The following RPS6KL1 variants were observed in gnomAD, a reference collection of about 807,000 sequenced individuals.
RPS6KL1 encodes the protein ribosomal protein S6 kinase like 1.
A neutral mutation model predicts 57.0 loss-of-function variants in RPS6KL1; 41 were observed. The observed-to-expected ratio is 0.72, with a 90% confidence interval of 0.56 to 0.93. The LOEUF (loss-of-function observed/expected upper bound fraction) is 0.93. RPS6KL1 is among the 40% of genes least tolerant of loss of function. The pLI is 0.00. For synonymous variants in RPS6KL1, 287 were observed against 309.7 expected, an observed-to-expected ratio of 0.93 and a Z score of 0.77; for missense variants, 697 against 727.7, an observed-to-expected ratio of 0.96 and a Z score of 0.49.
Position 74,909,093 on chromosome 14 carries a change from C to T in RPS6KL1, c.1360+8G>A, listed in dbSNP as rs779641640. On this transcript the variant is annotated splice_region_variant and intron_variant, in intron 9 of 11. Transcript: ENST00000557413. The stretch of plus-strand genomic sequence containing the variant: ...GCTAAGGCCCACCCTGGCCTCCCCC[C>T]TTCTTGCCTGGGGCGCTGTAGAGAT... The T allele has an allele frequency of 1.3e-5, 21 of 1,613,894 alleles. No individual in the cohort carries two copies. The East Asian group carries it at 3.8e-4, about 29-fold the overall frequency.
At position 74,911,794 on chromosome 14, in the gene RPS6KL1, C is replaced by T; in HGVS notation, c.531G>A (p.Lys177=). 6.4e-7 allele frequency: 1 copy of T among 1,554,110 alleles called. No homozygotes were observed. Among genetic ancestry groups the T allele is most frequent in the Non-Finnish European group, 8.7e-7 (1 of 1,148,746 alleles). ...DPATGGTFVV[K]SLPRCHMVSR... ...GTGGCAGGGGCAGGGTGGCACCTGC[C>T]TTCACCACAAAGGTCCCTCCGGTTG... The change falls in exon 6 of 12, where the codon AAG becomes AAA. Residue 177 remains lysine, a splice_region_variant and synonymous_variant. Coordinates refer to ENST00000557413, the MANE Select transcript of RPS6KL1 (RefSeq NM_031464.5).
intron 3 of RPS6KL1, 72 bp downstream of exon 3, chr14:74,921,205 G>A: frequency 7.3e-7 from 1 of 1,364,470 alleles, no homozygotes; most frequent in Non-Finnish European, 1.0e-6. Flanking sequence ...GGACAAGACA[G>A]ATGGGTGACA....
At chr14:74,910,375 G>GATAC in intron 7 of RPS6KL1, 1 of 362,978 alleles carries the variant, frequency 2.8e-6, no homozygotes, top group Non-Finnish European at 4.8e-6. Context: ...CTTACAAACT[G>GATAC]GCACACCACC....
At position 74,906,434 on chromosome 14, in the gene RPS6KL1, C is replaced by T. The variant is rs962873567; in HGVS notation, c.*580G>A. ...TGGGGGGGTGGGGGTGGGGGTCATC[C>T]TGTCCCCTACCTCATCCCTCCCTGC... On this transcript the variant is annotated 3_prime_UTR_variant, in exon 12 of 12. Coordinates refer to ENST00000557413, the MANE Select transcript of RPS6KL1 (RefSeq NM_031464.5). 2.3e-5 allele frequency: 9 copies of T among 383,248 alleles called. No homozygotes were observed. The highest frequency in any genetic ancestry group is 4.4e-5 in the African/African-American group (2 of 45,638). 23.7% of individuals were successfully genotyped at this position (383,248 alleles called of 1,614,324 possible).
rs10536168 is a variant in RPS6KL1, at chr14:74,905,381, CTG to C, written c.*1631_*1632del. On this transcript the variant is annotated 3_prime_UTR_variant, in exon 12 of 12. Transcript: ENST00000557413. ...AGCTACCGTCTGTTGCAAGGGGTCACTGTGAGGATGAAACTGGTATTCCCCCA... is the reference window on the plus strand; with the variant it reads ...AGCTACCGTCTGTTGCAAGGGGTCACTGAGGATGAAACTGGTATTCCCCCA... 0.32 allele frequency: 48,357 copies of C among 151,896 alleles called. 9,166 individuals are homozygous for C. Among genetic ancestry groups the C allele is most frequent in the African/African-American group, 0.53 (21,794 of 41,342 alleles). 9.4% of individuals were successfully genotyped at this position (151,896 alleles called of 1,614,324 possible). A position where few individuals can be genotyped will look rare whatever the true frequency, so the allele number is the denominator to read the frequency against.
chr14:74,910,915 A>G (rs1000958056), intron 7 of RPS6KL1: 9 of 182,740 alleles, frequency 4.9e-5, no homozygotes, highest in African/African-American at 2.2e-4. Flanking sequence ...TCTGCTGCCC[A>G]GGCTAGAGTG....
chr14:74,911,124 G>A (rs755664744), intron 7 of RPS6KL1, 124 bp downstream of exon 7: 58 of 902,890 alleles, frequency 6.4e-5, no homozygotes, highest in African/African-American at 5.9e-4. Context: ...CGCCTGCCTC[G>A]GCCTCCCAAA....
intron 10 of RPS6KL1, 116 bp from the exon 11 acceptor site, chr14:74,907,646 G>T: frequency 1.1e-6 from 1 of 951,762 alleles, no homozygotes; most frequent in African/African-American, 1.6e-5. Flanking sequence ...TGACAATAAT[G>T]ATAGTTGCTA....
chr14:74,909,310 A>T, intron 8 of RPS6KL1, 120 bp from the exon 9 acceptor site: 1 of 1,103,026 alleles, frequency 9.1e-7, no homozygotes, highest in Non-Finnish European at 1.3e-6. Context: ...CTGGGCAGAA[A>T]CTCGGCAGGG....
intron 7 of RPS6KL1, chr14:74,910,751 C>G (rs929883226): frequency 2.5e-5 from 4 of 160,936 alleles, no homozygotes; most frequent in Non-Finnish European, 4.2e-5. Flanking sequence ...CCCAGGATGT[C>G]CCCTGCCCCC....
At chr14:74,918,645 C>CAAG in intron 4 of RPS6KL1, 40 bp from the exon 5 acceptor site, 2 of 1,475,130 alleles carry the variant, frequency 1.4e-6, no homozygotes, top group Non-Finnish European at 1.8e-6. Context: ...GCCTCAGGGC[C>CAAG]GAGCCCTCCT....
chr14:74,909,486 G>A (rs1050738333), intron 8 of RPS6KL1, 57 bp downstream of exon 8: 12 of 1,528,494 alleles, frequency 7.9e-6, no homozygotes, highest in East Asian at 2.3e-5. Context: ...GGGATCTCTC[G>A]TCCTCTGCCT....
chr14:74,911,945 T>G, intron 5 of RPS6KL1, 104 bp from the exon 6 acceptor site: 9 of 881,104 alleles, frequency 1.0e-5, no homozygotes, highest in Non-Finnish European at 1.5e-5. Context: ...GCTGACTCAC[T>G]CCAGTGGCAG....
intron 8 of RPS6KL1, 46 bp from the exon 9 acceptor site, chr14:74,909,236 T>G (rs747661344): frequency 3.2e-6 from 5 of 1,566,440 alleles, no homozygotes; most frequent in Non-Finnish European, 4.4e-6. Context: ...TGAGGACAGC[T>G]GATACAGGGG....
Position 74,906,946 on chromosome 14 carries a change from T to C in RPS6KL1, c.*68A>G. On this transcript the variant is annotated 3_prime_UTR_variant, in exon 12 of 12. Coordinates refer to ENST00000557413, the MANE Select transcript of RPS6KL1 (RefSeq NM_031464.5). ...CGCTGATAGAGGGCCAGCCCTGGGT[T>C]GGGTGTCAGGCAAGGAGGAGAGGCG... 4.1e-6 allele frequency: 5 copies of C among 1,205,550 alleles called. No homozygotes were observed. In the South Asian group the frequency reaches 6.3e-5, roughly 15 times the overall value. 74.7% of individuals were successfully genotyped at this position (1,205,550 alleles called of 1,614,324 possible). A position where few individuals can be genotyped will look rare whatever the true frequency, so the allele number is the denominator to read the frequency against.
Position 74,920,502 on chromosome 14 carries a change from G to A in RPS6KL1, c.266-533C>T, listed in dbSNP as rs28637798. 8.3e-3 allele frequency among the ~76,000 whole-genome samples: 1,271 copies of A among 152,222 alleles called. 12 individuals are homozygous for A. The highest frequency in any genetic ancestry group is 0.028 in the African/African-American group (1,173 of 41,504). On this transcript the variant is annotated intron_variant, in intron 3 of 11. Coordinates refer to ENST00000557413, the MANE Select transcript of RPS6KL1 (RefSeq NM_031464.5). The stretch of plus-strand genomic sequence containing the variant: ...GGCCTGGCCACCAGGGCCCACAGGC[G>A]TCTCAAAATGGCCTCAGCACCAGCC...
At chr14:74,919,223 C>T (rs940589680) in intron 4 of RPS6KL1, among the ~76,000 whole-genome samples, 9 of 152,176 alleles carry the variant, frequency 5.9e-5, no homozygotes, top group African/African-American at 1.4e-4. Context: ...AACCTGGGAA[C>T]GTGTGAGTCT....
chr14:74,919,987 C>T lies in RPS6KL1; in HGVS notation c.266-18G>A. 6.2e-7 allele frequency: 1 copy of T among 1,614,008 alleles called. No individual in the cohort carries two copies. The highest frequency in any genetic ancestry group is 1.1e-5 in the South Asian group (1 of 91,062). The stretch of plus-strand genomic sequence containing the variant: ...GGGGTCAACTGTGGGAGACAAGAGT[C>T]ACCAGGGTCCCCAGCCATGGCCTCG... On this transcript the variant is annotated intron_variant, in intron 3 of 11. Transcript: ENST00000557413.
chr14:74,908,864 G>A lies in RPS6KL1; in HGVS notation c.1429C>T (p.Leu477=). Residue 477 remains leucine (L), a synonymous_variant, in exon 10 of 12, where the codon CTG becomes TTG. Coordinates refer to ENST00000557413, the MANE Select transcript of RPS6KL1 (RefSeq NM_031464.5). The stretch of plus-strand genomic sequence containing the variant: ...CAGCCACTCACCATTCCCGTCAGCA[G>A]TTCATACAGTAGAGACCCAAAGCTC... ...WWSFGSLLYE[L]LTGMALSQSH... is the part of the protein sequence containing the mutation. The A allele has an allele frequency of 6.2e-7, 1 of 1,614,154 alleles. No homozygotes were observed. Among genetic ancestry groups the A allele is most frequent in the Non-Finnish European group, 8.5e-7 (1 of 1,180,018 alleles).
Sources: gnomAD v4.1 joint callset for allele counts (sites outside exome capture counted in the v4.1 genomes callset) on GRCh38, gnomAD v4.1.1 for gene constraint, MANE v1.5 for transcripts, NCBI Gene and HGNC (gene_info 2026-07-23, HGNC 2026-07-21) for gene names.